Variants in AKR1C3 observed in about 807,000 individuals in gnomAD.
The protein encoded by AKR1C3 is 3-alpha hydroxysteroid dehydrogenase, type II.
A neutral mutation model predicts 43.6 loss-of-function variants in AKR1C3; 48 were observed. The ratio of observed to expected loss-of-function variants is 1.10; its 90% confidence interval spans 0.87 to 1.40. The LOEUF (loss-of-function observed/expected upper bound fraction) is 1.40, where lower values mean the gene tolerates loss of function less well. AKR1C3 is among the 40% of genes most tolerant of loss of function. The pLI is 0.00. For synonymous variants in AKR1C3, 162 were observed against 139.6 expected (o/e 1.16, Z -1.13); for missense variants, 482 against 391.2 (o/e 1.23, Z -1.96).
intron 1 of AKR1C3, among the ~76,000 whole-genome samples, chr10:5,077,178 G>A (rs891847590): frequency 5.9e-5 from 9 of 152,160 alleles, no homozygotes; most frequent in South Asian, 2.1e-4. Context: ...GAAAAACCAC[G>A]TTGGACTGAG....
Position 5,097,261 on chromosome 10 carries a change from A to C in AKR1C3, c.253-173A>C, listed in dbSNP as rs569427254. ...CAAACTATACATCCAACGTATAATA[A>C]AGTTTATAAGGATAGGTCAGAGCCA... On this transcript the variant is annotated intron_variant, in intron 2 of 8. Coordinates refer to ENST00000380554, the MANE Select transcript of AKR1C3 (RefSeq NM_003739.6). Among the ~76,000 whole-genome samples the C allele has an allele frequency of 2.6e-5, 4 of 152,294 alleles. No homozygotes were observed. In the East Asian group the frequency reaches 7.7e-4, roughly 29 times the overall value.
At chr10:5,075,919 T>G (rs1554781795) in intron 1 of AKR1C3, among the ~76,000 whole-genome samples, 1 of 150,606 alleles carries the variant, frequency 6.6e-6, no homozygotes, top group Admixed American at 6.6e-5. Context: ...GGGGCTCGGA[T>G]GTATTACTAG....
chr10:5,066,865 T>C (rs1459120954), intron 1 of AKR1C3, among the ~76,000 whole-genome samples: 1 of 152,156 alleles, frequency 6.6e-6, no homozygotes, highest in Admixed American at 6.5e-5. Context: ...ACTGTAGGCC[T>C]TACAGTAAAA....
intron 5 of AKR1C3, among the ~76,000 whole-genome samples, chr10:5,101,359 A>G (rs1010034289): frequency 7.9e-5 from 12 of 152,116 alleles, no homozygotes; most frequent in Non-Finnish European, 1.6e-4. Flanking sequence ...TTTTTAGATA[A>G]TCATTTTCAA....
chr10:5,055,542 T>G (rs1216932880), intron 1 of AKR1C3, among the ~76,000 whole-genome samples: 2 of 152,238 alleles, frequency 1.3e-5, no homozygotes, highest in Admixed American at 6.5e-5. Flanking sequence ...AGACGTCCAC[T>G]GCTGCAACTA....
At chr10:5,056,616 A>C (rs1191398042) in intron 1 of AKR1C3, among the ~76,000 whole-genome samples, 1 of 152,168 alleles carries the variant, frequency 6.6e-6, no homozygotes, top group Non-Finnish European at 1.5e-5. Flanking sequence ...GGATCCTTTA[A>C]CCTGATTTGG....
At chr10:5,079,524 A>T (rs1285731806) in intron 1 of AKR1C3, among the ~76,000 whole-genome samples, 2 of 151,712 alleles carry the variant, frequency 1.3e-5, no homozygotes, top group African/African-American at 2.4e-5. Flanking sequence ...AATTGGATCA[A>T]GGAAAGATTA....
chr10:5,092,447 T>TA (rs1839114702), upstream of AKR1C3, among the ~76,000 whole-genome samples: 1 of 150,668 alleles, frequency 6.6e-6, no homozygotes, highest in African/African-American at 2.4e-5. Context: ...GATGGTGTCC[T>TA]ACAAGCCCTT....
chr10:5,048,859 G>T, exon 1 of AKR1C3: 1 of 1,613,964 alleles, frequency 6.2e-7, no homozygotes, highest in Non-Finnish European at 8.5e-7. Flanking sequence ...GTCACTTCAT[G>T]CCTGTCCTGG....
chr10:5,099,608 G>A (rs1839298988), intron 5 of AKR1C3, 159 bp downstream of exon 5: 1 of 1,333,004 alleles, frequency 7.5e-7, no homozygotes, highest in Non-Finnish European at 1.0e-6. Flanking sequence ...TTTCTTGTTT[G>A]TACCCTGCTT....
Position 5,072,113 on chromosome 10 carries a change from G to A in AKR1C3, c.84+23218G>A, listed in dbSNP as rs1217433504. ...TACAGACAGGTGGGAATGAAGACCA[G>A]CCTATGTGACACTTATCTCTGGGTT... On this transcript the variant is annotated intron_variant, in intron 1 of 8. Coordinates refer to the AKR1C3 transcript ENST00000439082. 3.9e-5 allele frequency among the ~76,000 whole-genome samples: 6 copies of A among 152,140 alleles called. No individual in the cohort carries two copies. In the East Asian group the frequency reaches 1.2e-3, roughly 29 times the overall value.
At chr10:5,063,735 C>A in intron 1 of AKR1C3, among the ~76,000 whole-genome samples, 1 of 106,418 alleles carries the variant, frequency 9.4e-6, no homozygotes, top group Non-Finnish European at 1.8e-5. Flanking sequence ...TGCAATCCAC[C>A]CTGGAGGACA....
At chr10:5,056,150 G>T (rs1554779543) in intron 1 of AKR1C3, among the ~76,000 whole-genome samples, 2 of 152,158 alleles carry the variant, frequency 1.3e-5, no homozygotes, top group East Asian at 1.9e-4. Context: ...GGACCAGAGT[G>T]CCTGGACTTG....
chr10:5,054,396 A>G lies in AKR1C3; in HGVS notation c.84+5501A>G, dbSNP rs1838216712. 2.6e-5 allele frequency among the ~76,000 whole-genome samples: 4 copies of G among 152,260 alleles called. No individual in the cohort carries two copies. The South Asian group carries it at 8.3e-4, about 32-fold the overall frequency. On this transcript the variant is annotated intron_variant, in intron 1 of 8. Transcript: ENST00000439082. ...GTATTAGTTGTATGGCTCTGCACTG[A>G]CGGACTTGAGCTTTGAGGGGTACTG... is the stretch of plus-strand genomic sequence containing the variant.
At chr10:5,105,498 A>G in intron 7 of AKR1C3, 97 bp from the exon 8 acceptor site, 1 of 905,712 alleles carries the variant, frequency 1.1e-6, no homozygotes, top group Non-Finnish European at 1.7e-6. Context: ...AAAACTTACC[A>G]ATATTTTAAG....
At chr10:5,097,898 T>A in intron 3 of AKR1C3, 1 of 1,090,286 alleles carries the variant, frequency 9.2e-7, no homozygotes, top group Non-Finnish European at 1.1e-6. Context: ...CCAATAAAAC[T>A]GCTGCACATG....
At chr10:5,088,870 C>G (rs543537043) in intron 1 of AKR1C3, among the ~76,000 whole-genome samples, 10 of 151,984 alleles carry the variant, frequency 6.6e-5, no homozygotes, top group Admixed American at 2.0e-4. Context: ...GCTTTAGAGA[C>G]TCAATTGTGC....
intron 1 of AKR1C3, among the ~76,000 whole-genome samples, chr10:5,060,298 C>T (rs1554780083): frequency 6.6e-6 from 1 of 152,148 alleles, no homozygotes; most frequent in African/African-American, 2.4e-5. Flanking sequence ...TTTTCTGGTC[C>T]CACCCACATC....
In AKR1C3 at chr10:5,083,382, C is replaced by T. The variant is rs1451921103; in HGVS notation, c.85-13028C>T. On this transcript the variant is annotated intron_variant, in intron 1 of 8. Coordinates refer to the AKR1C3 transcript ENST00000439082. Reference sequence around the variant, plus strand: ...TGAGAATGATGGTTTCCAGTTTCATCCATGTCCCTAAAAAGGGCATGAACT... The same window carrying T: ...TGAGAATGATGGTTTCCAGTTTCATTCATGTCCCTAAAAAGGGCATGAACT... Among the ~76,000 whole-genome samples, 6 of 152,244 alleles carry T rather than the reference C, an allele frequency of 3.9e-5. No homozygotes were observed. In the East Asian group the frequency reaches 1.2e-3, roughly 29 times the overall value.
Sources: allele counts gnomAD v4.1 joint callset (sites outside exome capture counted in the v4.1 genomes callset), GRCh38; gene constraint gnomAD v4.1.1; transcripts MANE v1.5; gene names NCBI Gene and HGNC (gene_info 2026-07-23, HGNC 2026-07-21).